Variants in FER observed in about 807,000 individuals in gnomAD.
The protein encoded by FER is tyrosine-protein kinase Fer.
Under a neutral mutation model 111.0 loss-of-function variants are expected in FER, and 63 were observed. That is an observed-to-expected ratio of 0.57 (90% CI 0.46 to 0.70). The LOEUF (loss-of-function observed/expected upper bound fraction) is 0.70, where lower values mean the gene tolerates loss of function less well. FER is among the 30% of genes least tolerant of loss of function. The pLI is 0.00. For missense variants in FER, 914 were observed against 954.0 expected (o/e 0.96, Z 0.55); for synonymous variants, 327 against 313.9 (o/e 1.04, Z -0.44).
At chr5:109,134,568 G>A (rs1026960519) in intron 17 of FER, among the ~76,000 whole-genome samples, 1 of 152,054 alleles carries the variant, frequency 6.6e-6, no homozygotes, top group Admixed American at 6.6e-5. Context: ...TTGAAAGGTG[G>A]CTCCCACACA....
intron 13 of FER, among the ~76,000 whole-genome samples, chr5:108,967,634 C>T (rs1249232908): frequency 6.6e-6 from 1 of 151,840 alleles, no homozygotes; most frequent in African/African-American, 2.4e-5. Context: ...GTGGTGGGCA[C>T]CTGTAACCCC....
intron 13 of FER, among the ~76,000 whole-genome samples, chr5:108,966,706 A>G (rs1056279695): frequency 6.6e-6 from 1 of 151,988 alleles, no homozygotes; most frequent in African/African-American, 2.4e-5. Flanking sequence ...TATACTTTCT[A>G]TATGCATGGA....
At chr5:108,805,989 T>C (rs1757164054) in intron 3 of FER, among the ~76,000 whole-genome samples, 2 of 152,172 alleles carry the variant, frequency 1.3e-5, no homozygotes, top group Admixed American at 1.3e-4. Flanking sequence ...CCAGGGCATG[T>C]CAGAGGTCTT....
chr5:109,012,867 A>T (rs1766479524), intron 13 of FER, among the ~76,000 whole-genome samples: 1 of 152,188 alleles, frequency 6.6e-6, no homozygotes, highest in Non-Finnish European at 1.5e-5. Context: ...AATAAAAATT[A>T]AAAACTACCA....
intron 17 of FER, among the ~76,000 whole-genome samples, chr5:109,109,910 A>T (rs10040959): frequency 0.18 from 27,035 of 152,056 alleles, 2,549 homozygotes; most frequent in Non-Finnish European, 0.2. Flanking sequence ...GTACTTATAC[A>T]TCTATGTAGG....
chr5:109,085,644 G>A (rs1184945528), intron 16 of FER, among the ~76,000 whole-genome samples: 2 of 151,714 alleles, frequency 1.3e-5, no homozygotes, highest in Admixed American at 1.3e-4. Flanking sequence ...TGAGAGATAA[G>A]TGTTCAATAT....
At chr5:108,794,531 C>CG (rs954346274) in intron 2 of FER, among the ~76,000 whole-genome samples, 25 of 130,218 alleles carry the variant, frequency 1.9e-4, no homozygotes, top group Admixed American at 1.5e-3. Flanking sequence ...TCCGCACCCC[C>CG]CCCCCTCCCC....
At chr5:108,928,362 A>G (rs868177150) in intron 10 of FER, among the ~76,000 whole-genome samples, 50 of 152,234 alleles carry the variant, frequency 3.3e-4, no homozygotes, top group African/African-American at 1.2e-3. Flanking sequence ...TACTGCTGCC[A>G]ATTGGCAATC....
In FER at chr5:108,871,224, A is replaced by G. The variant is rs186676557; in HGVS notation, c.666-141A>G. 6.1e-5 allele frequency: 34 copies of G among 560,754 alleles called. No homozygotes were observed. The East Asian group carries it at 7.8e-4, about 13-fold the overall frequency. 34.7% of individuals were successfully genotyped at this position (560,754 alleles called of 1,614,324 possible). The stretch of plus-strand genomic sequence containing the variant: ...AATCCCTCTTCTTTACTCTCCAGGT[A>G]TGAAATAAGGTGGTACAGGAAACAA... On this transcript the variant is annotated intron_variant, in intron 6 of 19. Transcript: ENST00000281092.
intron 10 of FER, among the ~76,000 whole-genome samples, chr5:108,908,919 T>A (rs1479906467): frequency 6.6e-6 from 1 of 151,818 alleles, no homozygotes; most frequent in Non-Finnish European, 1.5e-5. Context: ...GTGCCTGTAG[T>A]CCTCAGGAGA....
chr5:109,016,291 C>G (rs1561777687), intron 13 of FER, among the ~76,000 whole-genome samples: 1 of 151,926 alleles, frequency 6.6e-6, no homozygotes, highest in East Asian at 1.9e-4. Flanking sequence ...TGATGATAAG[C>G]TTGAAGATGA....
intron 14 of FER, among the ~76,000 whole-genome samples, chr5:109,039,145 C>G (rs918015790): frequency 6.6e-6 from 1 of 151,676 alleles, no homozygotes; most frequent in Non-Finnish European, 1.5e-5. Flanking sequence ...AGACAATTAG[C>G]CATGATTCCT....
chr5:109,018,488 T>A (rs1056322547), intron 13 of FER, among the ~76,000 whole-genome samples: 1 of 151,842 alleles, frequency 6.6e-6, no homozygotes, highest in African/African-American at 2.4e-5. Context: ...TTCACAATTT[T>A]CTGTGTGGTT....
intron 2 of FER, among the ~76,000 whole-genome samples, chr5:108,793,669 T>C (rs1243426763): frequency 1.3e-5 from 2 of 152,164 alleles, no homozygotes; most frequent in African/African-American, 4.8e-5. Context: ...CTTTTCTACA[T>C]CCTTACTATT....
chr5:109,114,378 T>C (rs541532953), intron 17 of FER, among the ~76,000 whole-genome samples: 1 of 152,128 alleles, frequency 6.6e-6, no homozygotes, highest in South Asian at 2.1e-4. Context: ...TAATATTTAA[T>C]AAAGATATTA....
intron 2 of FER, among the ~76,000 whole-genome samples, chr5:108,777,766 A>G (rs779738311): frequency 4.6e-5 from 7 of 152,204 alleles, no homozygotes; most frequent in Non-Finnish European, 8.8e-5. Context: ...GGCAAGGAGG[A>G]GCAAGTCACA....
intron 17 of FER, among the ~76,000 whole-genome samples, chr5:109,177,894 A>G (rs1185267914): frequency 6.6e-6 from 1 of 152,186 alleles, no homozygotes; most frequent in Non-Finnish European, 1.5e-5. Context: ...CTCTGAATTC[A>G]TGTAGGATTT....
At chr5:109,057,518 TCTCA>T (rs112906074) in intron 16 of FER, among the ~76,000 whole-genome samples, 19,740 of 152,088 alleles carry the variant, frequency 0.13, 1,296 homozygotes, top group Non-Finnish European at 0.14. Flanking sequence ...AGAGACAGGG[TCTCA>T]CTCTGTCACC....
At chr5:109,182,896 C>G (rs763389905) in intron 18 of FER, among the ~76,000 whole-genome samples, 2 of 152,084 alleles carry the variant, frequency 1.3e-5, no homozygotes, top group Non-Finnish European at 2.9e-5. Context: ...GGCTGGAGTG[C>G]GGCGGCATAA....
Sources: gnomAD v4.1 joint callset for allele counts (sites outside exome capture counted in the v4.1 genomes callset) on GRCh38, gnomAD v4.1.1 for gene constraint, MANE v1.5 for transcripts, NCBI Gene and HGNC (gene_info 2026-07-23, HGNC 2026-07-21) for gene names.